The following PXDNL variants were observed in gnomAD, a reference collection of about 807,000 sequenced individuals.
The protein encoded by PXDNL is peroxidasin like.
A neutral mutation model predicts 150.8 loss-of-function variants in PXDNL; 145 were observed. The observed-to-expected ratio is 0.96, with a 90% confidence interval of 0.84 to 1.10. The LOEUF is 1.10. Ranked by LOEUF, PXDNL falls within the 50% of genes least tolerant of loss-of-function variation. The probability of loss-of-function intolerance (pLI) is 0.00; values close to 1 mark genes in which losing one functional copy is unlikely to be tolerated. For missense variants in PXDNL, 2,087 were observed against 1,873.9 expected (o/e 1.11, Z -2.10); for synonymous variants, 757 against 725.7 (o/e 1.04, Z -0.69).
chr8:51,724,856 C>T (rs575963926), intron 1 of PXDNL, among the ~76,000 whole-genome samples: 6 of 152,290 alleles, frequency 3.9e-5, no homozygotes, highest in Admixed American at 1.3e-4. Context: ...CTAAAATTCA[C>T]GTGTGTTTCA....
chr8:51,615,247 A>T (rs1036743904), intron 2 of PXDNL, among the ~76,000 whole-genome samples: 33 of 151,960 alleles, frequency 2.2e-4, no homozygotes, highest in African/African-American at 8.0e-4. Context: ...TTACTCATTT[A>T]AAAAAAATCC....
chr8:51,593,353 A>T (rs1813489805), intron 2 of PXDNL, among the ~76,000 whole-genome samples: 1 of 152,136 alleles, frequency 6.6e-6, no homozygotes, highest in Non-Finnish European at 1.5e-5. Context: ...AAAATTATAA[A>T]TTTTTTTCTA....
intron 5 of PXDNL, among the ~76,000 whole-genome samples, chr8:51,493,774 G>A (rs1260061988): frequency 1.3e-5 from 2 of 152,202 alleles, no homozygotes; most frequent in African/African-American, 4.8e-5. Context: ...AGAAATATGG[G>A]ACTGTGTGAA....
At position 51,447,028 on chromosome 8, in the gene PXDNL, C is replaced by A. The variant is rs1256426935; in HGVS notation, c.1501G>T (p.Val501Leu). 6.2e-7 allele frequency: 1 copy of A among 1,613,918 alleles called. No homozygotes were observed. Among genetic ancestry groups the A allele is most frequent in the Non-Finnish European group, 8.5e-7 (1 of 1,179,884 alleles). Residue 501 changes from valine to leucine, a missense_variant, in exon 12 of 23, where the codon GTG (valine) becomes TTG (leucine). Coordinates refer to ENST00000356297, the MANE Select transcript of PXDNL (RefSeq NM_144651.5). ...VSSLGVKKVS[V>L]QLTVKPKALA... ...CCTTTGGGTTTTACAGTCAGCTGCA[C>A]AGACACCTTTTTCACCCCCAACGAA...
At chr8:51,763,420 T>A (rs2037188769) in intron 1 of PXDNL, among the ~76,000 whole-genome samples, 2 of 151,708 alleles carry the variant, frequency 1.3e-5, no homozygotes, top group African/African-American at 4.8e-5. Context: ...CAGACTCCAG[T>A]AAACACACTG....
intron 1 of PXDNL, among the ~76,000 whole-genome samples, chr8:51,682,993 T>C (rs1181816296): frequency 6.6e-6 from 1 of 151,716 alleles, no homozygotes; most frequent in Admixed American, 6.6e-5. Context: ...ATTTCAATCA[T>C]TTTTGATAAA....
intron 1 of PXDNL, among the ~76,000 whole-genome samples, chr8:51,706,799 C>T (rs575739174): frequency 9.2e-5 from 14 of 152,304 alleles, no homozygotes; most frequent in East Asian, 1.9e-4. Context: ...AGGTTTCTTA[C>T]GCTCCTCTTT....
At chr8:51,574,745 G>C (rs571450330) in intron 3 of PXDNL, among the ~76,000 whole-genome samples, 11 of 152,044 alleles carry the variant, frequency 7.2e-5, no homozygotes, top group Non-Finnish European at 1.5e-4. Flanking sequence ...GACGCAAAAG[G>C]AATTGGTACA....
intron 21 of PXDNL, among the ~76,000 whole-genome samples, chr8:51,330,105 GC>G (rs1303506980): frequency 6.6e-6 from 1 of 152,096 alleles, no homozygotes; most frequent in Admixed American, 6.5e-5. Flanking sequence ...ATTGAAGGAT[GC>G]CCCCCTACAC....
In PXDNL at chr8:51,684,562, TG is replaced by T. The variant is rs1815831614; in HGVS notation, c.165-29803del. Reference sequence around the variant, plus strand: ...ATGGGATGTCACTGTGTGATTATACTGTTACATGCAAAAGGAATTTTGGAGA... The same window carrying T: ...ATGGGATGTCACTGTGTGATTATACTTTACATGCAAAAGGAATTTTGGAGA... On this transcript the variant is annotated intron_variant, in intron 1 of 22. Transcript: ENST00000356297. Among the ~76,000 whole-genome samples, 3 of 152,348 alleles carry T rather than the reference TG, an allele frequency of 2.0e-5. No individual in the cohort carries two copies. In the South Asian group the frequency reaches 6.2e-4, roughly 32 times the overall value.
intron 2 of PXDNL, among the ~76,000 whole-genome samples, chr8:51,631,450 T>G (rs1814487748): frequency 6.6e-6 from 1 of 152,068 alleles, no homozygotes; most frequent in Admixed American, 6.6e-5. Flanking sequence ...TTTTTAAAAA[T>G]GAAGATATTA....
chr8:51,534,123 C>T (rs1811989770), intron 4 of PXDNL, among the ~76,000 whole-genome samples: 2 of 143,872 alleles, frequency 1.4e-5, no homozygotes, highest in African/African-American at 5.7e-5. Flanking sequence ...GTGGGGAGCA[C>T]CTCTGCCCCG....
chr8:51,684,056 T>C (rs1815818612), intron 1 of PXDNL, among the ~76,000 whole-genome samples: 1 of 152,232 alleles, frequency 6.6e-6, no homozygotes, highest in Admixed American at 6.5e-5. Flanking sequence ...CACTACAATA[T>C]GACACCAATA....
intron 3 of PXDNL, among the ~76,000 whole-genome samples, chr8:51,582,928 T>C (rs1813240255): frequency 6.6e-6 from 1 of 152,190 alleles, no homozygotes. Context: ...ACATAATCAA[T>C]TGCAGAATAG....
In PXDNL at chr8:51,339,645, G is replaced by C; in HGVS notation, c.4125C>G (p.Thr1375=). 1 of 1,613,686 alleles carries C rather than the reference G, an allele frequency of 6.2e-7. No homozygotes were observed. The highest frequency in any genetic ancestry group is 8.5e-7 in the Non-Finnish European group (1 of 1,179,782). The change falls in exon 21 of 23, where the codon ACC becomes ACG. Residue 1375 remains threonine, a synonymous_variant. Transcript: ENST00000356297. ...FSTFAAEIQE[T]ITALREQINK... ...AAACCTGCTCTCTGAGTGCTGTGAT[G>C]GTTTCCTGAATTTCCGCTGCAAACG...
At chr8:51,539,577 T>C (rs923557639) in intron 4 of PXDNL, among the ~76,000 whole-genome samples, 3 of 152,190 alleles carry the variant, frequency 2.0e-5, no homozygotes, top group African/African-American at 7.2e-5. Context: ...CATTTGGGTG[T>C]AGAGTTTTGT....
intron 1 of PXDNL, among the ~76,000 whole-genome samples, chr8:51,798,930 CTATTATAAAG>C (rs1388417962): frequency 6.6e-6 from 1 of 152,048 alleles, no homozygotes; most frequent in Non-Finnish European, 1.5e-5. Context: ...ATAAATCATT[CTATTATAAAG>C]ATACATGCAC....
intron 21 of PXDNL, among the ~76,000 whole-genome samples, chr8:51,326,756 G>T (rs1407976315): frequency 6.6e-6 from 1 of 152,074 alleles, no homozygotes; most frequent in Non-Finnish European, 1.5e-5. Flanking sequence ...CATTCCAGAA[G>T]TATCCTTATC....
At chr8:51,571,219 G>T (rs1279218596) in intron 3 of PXDNL, among the ~76,000 whole-genome samples, 1 of 151,530 alleles carries the variant, frequency 6.6e-6, no homozygotes, top group Non-Finnish European at 1.5e-5. Flanking sequence ...ATTTATGTTT[G>T]TTCTACAACA....
Sources: allele counts gnomAD v4.1 joint callset (sites outside exome capture counted in the v4.1 genomes callset), GRCh38; gene constraint gnomAD v4.1.1; transcripts MANE v1.5; gene names NCBI Gene and HGNC (gene_info 2026-07-23, HGNC 2026-07-21).